CMTM4: variants seen among roughly 807,000 people sequenced by gnomAD.
CMTM4 encodes the protein CKLF like MARVEL transmembrane domain containing 4.
A neutral mutation model predicts 19.0 loss-of-function variants in CMTM4; 8 were observed. The observed-to-expected ratio is 0.42, with a 90% CI of 0.25 to 0.76. CMTM4 has a LOEUF of 0.76. Ranked by LOEUF, CMTM4 falls within the 30% of genes least tolerant of loss-of-function variation. The pLI, the probability that CMTM4 is intolerant of heterozygous loss-of-function variation, is 0.27. For missense variants in CMTM4, 228 were observed against 290.2 expected (o/e 0.79, Z 1.56); for synonymous variants, 106 against 121.1 (o/e 0.88, Z 0.82).
chr16:66,689,219 A>G (rs1413084045), intron 1 of CMTM4, among the ~76,000 whole-genome samples: 1 of 152,234 alleles, frequency 6.6e-6, no homozygotes, highest in Non-Finnish European at 1.5e-5. Flanking sequence ...GGGGGAAAGC[A>G]TTCATTCTTT....
intron 1 of CMTM4, among the ~76,000 whole-genome samples, chr16:66,647,131 C>A (rs1270164797): frequency 7.6e-6 from 1 of 132,160 alleles, no homozygotes; most frequent in East Asian, 2.2e-4. Context: ...CTGGCTAATA[C>A]GGTGAAACCC....
chr16:66,617,529 T>G lies in CMTM4; in HGVS notation c.*4529A>C. The G allele has an allele frequency of 5.8e-6, 8 of 1,379,060 alleles. No homozygotes were observed. The highest frequency in any genetic ancestry group is 7.5e-6 in the Non-Finnish European group (8 of 1,067,800). The allele number at this position is 1,379,060 out of a possible 1,614,324, so 85.4% of individuals were successfully genotyped here. A position where few individuals can be genotyped will look rare whatever the true frequency, so the allele number is the denominator to read the frequency against. Reference sequence around the variant, plus strand: ...GAAGAATTAAACAGAACATTCACTTTCGGAAGAAAATTTTTCTAGACCTAA... The same window carrying G: ...GAAGAATTAAACAGAACATTCACTTGCGGAAGAAAATTTTTCTAGACCTAA... On this transcript the variant is annotated 3_prime_UTR_variant, in exon 4 of 4. Coordinates refer to ENST00000394106, the MANE Select transcript of CMTM4 (RefSeq NM_181521.3).
intron 1 of CMTM4, among the ~76,000 whole-genome samples, chr16:66,695,662 A>C (rs2144938181): frequency 6.6e-6 from 1 of 152,170 alleles, no homozygotes; most frequent in Middle Eastern, 3.4e-3. Context: ...TACCTCCAAA[A>C]CTGGCTGCCC....
At chr16:66,660,437 T>C in intron 1 of CMTM4, among the ~76,000 whole-genome samples, 1 of 151,298 alleles carries the variant, frequency 6.6e-6, no homozygotes, top group Admixed American at 6.6e-5. Context: ...TGAAATTTAT[T>C]GCATGTAAAT....
the CMTM4 span, among the ~76,000 whole-genome samples, chr16:66,602,135 G>T: frequency 6.6e-6 from 1 of 152,222 alleles, no homozygotes; most frequent in Admixed American, 6.5e-5. Context: ...GGTGGCTCAC[G>T]CCTGTAATCC....
At chr16:66,647,116 C>A (rs1206864969) in intron 1 of CMTM4, among the ~76,000 whole-genome samples, 1 of 143,128 alleles carries the variant, frequency 7.0e-6, no homozygotes, top group Non-Finnish European at 1.5e-5. Flanking sequence ...GAGATCAAGA[C>A]TATCCTGGCT....
At chr16:66,645,786 C>T (rs2016183467) in intron 1 of CMTM4, among the ~76,000 whole-genome samples, 2 of 152,010 alleles carry the variant, frequency 1.3e-5, no homozygotes, top group South Asian at 2.1e-4. Context: ...CGAGACCAGC[C>T]TGACCTATAT....
At position 66,619,216 on chromosome 16, in the gene CMTM4, A is replaced by G; in HGVS notation, c.*2842T>C. The G allele has an allele frequency of 1.0e-6, 1 of 985,492 alleles. No homozygotes were observed. The highest frequency in any genetic ancestry group is 1.2e-6 in the Non-Finnish European group (1 of 829,952). The allele number at this position is 985,492 out of a possible 1,614,324, so 61.0% of individuals were successfully genotyped here. A position where few individuals can be genotyped will look rare whatever the true frequency, so the allele number is the denominator to read the frequency against. On this transcript the variant is annotated 3_prime_UTR_variant, in exon 4 of 4. Coordinates refer to ENST00000394106, the MANE Select transcript of CMTM4 (RefSeq NM_181521.3). ...GCAGTGTGAAAGAAGGATATCAAAG[A>G]GAATCAGAGGGAAAAAATACCAAAT...
At chr16:66,639,305 T>C (rs1301653465) in intron 1 of CMTM4, among the ~76,000 whole-genome samples, 5 of 152,210 alleles carry the variant, frequency 3.3e-5, no homozygotes, top group Non-Finnish European at 7.3e-5. Flanking sequence ...GTTTCTGGTA[T>C]GCTAACTTCA....
the CMTM4 span, among the ~76,000 whole-genome samples, chr16:66,600,136 G>GGGT: frequency 8.9e-5 from 12 of 135,140 alleles, no homozygotes; most frequent in African/African-American, 3.5e-4. Context: ...GTGTGTGTGT[G>GGGT]TTTTTTTTTG....
chr16:66,671,806 A>G (rs893214523), intron 1 of CMTM4, among the ~76,000 whole-genome samples: 8 of 152,118 alleles, frequency 5.3e-5, no homozygotes, highest in Non-Finnish European at 1.2e-4. Flanking sequence ...TGAATATTTC[A>G]AATATATAAT....
chr16:66,632,420 G>C (rs1384205512), intron 2 of CMTM4, among the ~76,000 whole-genome samples: 1 of 152,194 alleles, frequency 6.6e-6, no homozygotes, highest in Non-Finnish European at 1.5e-5. Flanking sequence ...CACATGGGAA[G>C]CTTTTGGGGT....
intron 1 of CMTM4, among the ~76,000 whole-genome samples, chr16:66,689,521 C>A (rs2017098505): frequency 6.6e-6 from 1 of 152,190 alleles, no homozygotes; most frequent in South Asian, 2.1e-4. Flanking sequence ...AAGCAATTCT[C>A]CCACCTTAGC....
At chr16:66,609,789 C>T (rs774548967), downstream of CMTM4, 7 of 1,612,522 alleles carry the variant, frequency 4.3e-6, no homozygotes, top group Non-Finnish European at 5.9e-6. The surrounding 1 kb of genome is among the most constrained non-coding windows in gnomAD (Gnocchi z 4.4). Context: ...GGCTGTTTGT[C>T]CAAGCAGATC....
chr16:66,633,440 A>G (rs1003064683), intron 2 of CMTM4, among the ~76,000 whole-genome samples: 2 of 152,084 alleles, frequency 1.3e-5, no homozygotes, highest in African/African-American at 2.4e-5. Context: ...ACCCTTCTGT[A>G]GCGAGTTGAT....
chr16:66,661,473 C>T (rs1377924095), intron 1 of CMTM4, among the ~76,000 whole-genome samples: 2 of 152,178 alleles, frequency 1.3e-5, no homozygotes, highest in African/African-American at 4.8e-5. Context: ...GCTAAGCAGT[C>T]CCAAATCTTT....
intron 1 of CMTM4, among the ~76,000 whole-genome samples, chr16:66,640,187 G>C (rs355969): frequency 0.049 from 7,436 of 152,248 alleles, 298 homozygotes; most frequent in East Asian, 0.11. Context: ...TGTAATCCCA[G>C]CTACTCCGGA....
chr16:66,686,502 T>C (rs933791037), intron 1 of CMTM4, among the ~76,000 whole-genome samples: 11 of 146,760 alleles, frequency 7.5e-5, no homozygotes, highest in Non-Finnish European at 1.0e-4. Context: ...TGAGCCAAGA[T>C]TGCGCCACTG....
the CMTM4 span, chr16:66,604,865 C>T: frequency 1.4e-6 from 2 of 1,400,378 alleles, no homozygotes; most frequent in African/African-American, 3.0e-5. Context: ...GCTCCCGTCC[C>T]GGCCCCGCGG....
Sources: allele counts gnomAD v4.1 joint callset (sites outside exome capture counted in the v4.1 genomes callset), GRCh38; gene constraint gnomAD v4.1.1; non-coding constraint Gnocchi (gnomAD v3.1); transcripts MANE v1.5; gene names NCBI Gene and HGNC (gene_info 2026-07-23, HGNC 2026-07-21).